Variants in RGS6 observed in about 807,000 individuals in gnomAD.
RGS6 encodes regulator of G-protein signaling 6.
In RGS6, 30 loss-of-function variants were observed where a neutral mutation model predicts 78.5. The observed-to-expected ratio is 0.38, with a 90% CI of 0.29 to 0.52. The LOEUF (loss-of-function observed/expected upper bound fraction) is 0.52. Among genes scored for constraint, RGS6 ranks in the 20% least tolerant of loss-of-function variants. The probability of loss-of-function intolerance (pLI) is 0.85; values close to 1 mark genes in which losing one functional copy is unlikely to be tolerated. For missense variants in RGS6, 495 were observed against 609.7 expected, an observed-to-expected ratio of 0.81 and a Z score of 1.98; for synonymous variants, 206 against 206.0, an observed-to-expected ratio of 1.00 and a Z score of 0.00.
At chr14:72,384,561 G>T (rs1478526010) in intron 3 of RGS6, among the ~76,000 whole-genome samples, 1 of 152,068 alleles carries the variant, frequency 6.6e-6, no homozygotes, top group African/African-American at 2.4e-5. Context: ...ATTGGCTGTT[G>T]TCAGTAAAGA....
chr14:71,924,654 T>C, the RGS6 span, among the ~76,000 whole-genome samples: 7 of 152,234 alleles, frequency 4.6e-5, no homozygotes, highest in African/African-American at 1.7e-4. Context: ...ATATTTTCCT[T>C]TCTATGTGTA....
At chr14:71,972,116 AT>A (rs2093849735) in intron 2 of RGS6, among the ~76,000 whole-genome samples, 1 of 151,948 alleles carries the variant, frequency 6.6e-6, no homozygotes, top group South Asian at 2.1e-4. Flanking sequence ...TCAACTTGTC[AT>A]TTACATTAGG....
At chr14:72,158,595 A>G (rs1328774695) in intron 2 of RGS6, among the ~76,000 whole-genome samples, 1 of 151,960 alleles carries the variant, frequency 6.6e-6, no homozygotes, top group East Asian at 1.9e-4. Flanking sequence ...CCCCCAAATT[A>G]TGTTCGTCAC....
At chr14:72,152,411 T>G (rs1289104542) in intron 2 of RGS6, among the ~76,000 whole-genome samples, 2 of 152,148 alleles carry the variant, frequency 1.3e-5, no homozygotes, top group East Asian at 1.9e-4. Flanking sequence ...GGGTAGTACG[T>G]TCCAAATCAC....
chr14:72,460,945 G>A (rs899731957), intron 6 of RGS6, among the ~76,000 whole-genome samples: 1 of 152,050 alleles, frequency 6.6e-6, no homozygotes, highest in Non-Finnish European at 1.5e-5. Context: ...TAAGGCTGGA[G>A]TTGTTCCATG....
chr14:72,143,384 CAAAA>C (rs1178745587), intron 2 of RGS6, among the ~76,000 whole-genome samples: 1 of 151,942 alleles, frequency 6.6e-6, no homozygotes, highest in South Asian at 2.1e-4. Flanking sequence ...AAAAAAAACA[CAAAA>C]AACTGTCTTT....
At chr14:72,110,322 C>T (rs1207649523) in intron 2 of RGS6, among the ~76,000 whole-genome samples, 1 of 152,206 alleles carries the variant, frequency 6.6e-6, no homozygotes, top group Non-Finnish European at 1.5e-5. Context: ...TGGAAACAGA[C>T]ACTTTCTTCT....
chr14:72,015,575 ATC>A (rs2086775046), intron 2 of RGS6, among the ~76,000 whole-genome samples: 1 of 152,218 alleles, frequency 6.6e-6, no homozygotes, highest in African/African-American at 2.4e-5. Flanking sequence ...GTGCATATCT[ATC>A]TAGAAATATG....
intron 2 of RGS6, among the ~76,000 whole-genome samples, chr14:72,098,151 C>A (rs890028911): frequency 6.6e-6 from 1 of 152,160 alleles, no homozygotes; most frequent in African/African-American, 2.4e-5. Flanking sequence ...CCTAGAGCAA[C>A]CCCCTCCATG....
chr14:72,493,165 A>G lies in RGS6; in HGVS notation c.855-1987A>G, dbSNP rs535954407. 9.2e-5 allele frequency among the ~76,000 whole-genome samples: 14 copies of G among 152,318 alleles called. No individual in the cohort carries two copies. In the South Asian group the frequency reaches 2.1e-3, roughly 23 times the overall value. ...AGTCTTAAGTACAAATGGATGTCCAAAGATTTTCCAGACACTCCAGGAAGG... is the reference window on the plus strand; with the variant it reads ...AGTCTTAAGTACAAATGGATGTCCAGAGATTTTCCAGACACTCCAGGAAGG... On this transcript the variant is annotated intron_variant, in intron 12 of 17. Transcript: ENST00000553525.
chr14:71,903,033 T>C, the RGS6 span, among the ~76,000 whole-genome samples: 1 of 152,232 alleles, frequency 6.6e-6, no homozygotes, highest in Non-Finnish European at 1.5e-5. Context: ...TGTTTCTATC[T>C]ACAGAAGAGA....
At chr14:72,187,810 A>G (rs898890303) in intron 2 of RGS6, among the ~76,000 whole-genome samples, 1 of 152,128 alleles carries the variant, frequency 6.6e-6, no homozygotes, top group African/African-American at 2.4e-5. Context: ...TGAATTCACT[A>G]CTTGCTAAAA....
chr14:72,245,904 A>G (rs1372129047), intron 2 of RGS6, among the ~76,000 whole-genome samples: 1 of 152,216 alleles, frequency 6.6e-6, no homozygotes, highest in Non-Finnish European at 1.5e-5. Context: ...TCCTCTTGAC[A>G]TCCCTGTGTC....
chr14:72,340,028 A>G (rs1003174654), intron 2 of RGS6, among the ~76,000 whole-genome samples: 1 of 152,102 alleles, frequency 6.6e-6, no homozygotes, highest in Non-Finnish European at 1.5e-5. Flanking sequence ...GCTATAAGAA[A>G]GCACCAAGGG....
chr14:72,096,236 T>G (rs1212692302), intron 2 of RGS6, among the ~76,000 whole-genome samples: 2 of 151,286 alleles, frequency 1.3e-5, no homozygotes, highest in Admixed American at 1.3e-4. Context: ...ATTGCACCAC[T>G]GCACTCTGCA....
intron 2 of RGS6, among the ~76,000 whole-genome samples, chr14:72,095,778 A>G (rs746666468): frequency 1.3e-5 from 2 of 152,236 alleles, no homozygotes; most frequent in Admixed American, 6.5e-5. Context: ...ATCACCATGA[A>G]AGTGGAAAAC....
At chr14:72,497,863 T>TC (rs2096665894) in intron 13 of RGS6, among the ~76,000 whole-genome samples, 1 of 152,160 alleles carries the variant, frequency 6.6e-6, no homozygotes, top group Admixed American at 6.5e-5. Flanking sequence ...GCTGCTTTTT[T>TC]TCCATTCTAT....
At chr14:72,535,620 A>G (rs1002449700) in intron 15 of RGS6, among the ~76,000 whole-genome samples, 16 of 152,178 alleles carry the variant, frequency 1.1e-4, no homozygotes, top group Non-Finnish European at 4.4e-5. Context: ...TCACGTGTTA[A>G]GATGTGTCAA....
chr14:72,460,221 T>C (rs1643507213), intron 6 of RGS6, among the ~76,000 whole-genome samples: 1 of 152,226 alleles, frequency 6.6e-6, no homozygotes, highest in Non-Finnish European at 1.5e-5. Context: ...TCTGTCTCTC[T>C]AGACAGGGAC....
Sources: allele counts gnomAD v4.1 joint callset (sites outside exome capture counted in the v4.1 genomes callset), GRCh38; gene constraint gnomAD v4.1.1; transcripts MANE v1.5; gene names NCBI Gene and HGNC (gene_info 2026-07-23, HGNC 2026-07-21).